NAT10: variants seen among roughly 807,000 people sequenced by gnomAD.
The protein encoded by NAT10 is N-acetyltransferase 10.
In NAT10, 109 loss-of-function variants were observed where a neutral mutation model predicts 132.2. That is an observed-to-expected ratio of 0.82 (90% CI 0.71 to 0.97). The LOEUF (loss-of-function observed/expected upper bound fraction) is 0.97. NAT10 is among the 50% of genes least tolerant of loss of function. The pLI is 0.00. For missense variants in NAT10, 1,184 were observed against 1,263.4 expected (o/e 0.94, Z 0.95); for synonymous variants, 479 against 478.0 (o/e 1.00, Z -0.03).
At chr11:34,137,803 G>A (rs758179789) in intron 21 of NAT10, among the ~76,000 whole-genome samples, 2 of 152,232 alleles carry the variant, frequency 1.3e-5, no homozygotes, top group African/African-American at 2.4e-5. Flanking sequence ...GCCCTGATGC[G>A]CAAGAGAAAG....
intron 28 of NAT10, 39 bp from the exon 29 acceptor site, chr11:34,146,045 G>A: frequency 2.1e-6 from 3 of 1,405,172 alleles, no homozygotes; most frequent in South Asian, 2.5e-5. Context: ...GTTCAGATCT[G>A]TACATATTTC....
In NAT10 at chr11:34,124,755, A is replaced by G. The variant is rs191480337; in HGVS notation, c.1107+355A>G. ...GAAATGTTGCATCTGTAACTAGAAC[A>G]ATAACCTTACAGCTTAAATGAAAAA... On this transcript the variant is annotated intron_variant, in intron 11 of 28. Transcript: ENST00000257829. 6.9e-4 allele frequency among the ~76,000 whole-genome samples: 105 copies of G among 152,366 alleles called. 1 individual carries two copies. Among genetic ancestry groups the G allele is most frequent in the Admixed American group, 1.1e-3 (17 of 15,302 alleles).
At chr11:34,134,113 G>C (rs1243162132) in intron 16 of NAT10, among the ~76,000 whole-genome samples, 1 of 152,104 alleles carries the variant, frequency 6.6e-6, no homozygotes, top group Non-Finnish European at 1.5e-5. Context: ...GCAGTGAGCC[G>C]AGATAGCACC....
chr11:34,144,940 G>C (rs1437033751), intron 28 of NAT10, among the ~76,000 whole-genome samples: 1 of 152,244 alleles, frequency 6.6e-6, no homozygotes. Flanking sequence ...CTGTCTTCCA[G>C]AGTCTCCGTT....
intron 4 of NAT10, among the ~76,000 whole-genome samples, chr11:34,113,326 C>T (rs933158894): frequency 2.6e-5 from 4 of 152,108 alleles, no homozygotes; most frequent in East Asian, 1.9e-4. Flanking sequence ...AAACTAACAA[C>T]GTCTCTAATA....
intron 18 of NAT10, 141 bp from the exon 19 acceptor site, chr11:34,135,034 C>A (rs1852183264): frequency 1.4e-6 from 1 of 692,286 alleles, no homozygotes. Context: ...TGACCTCACT[C>A]AGGGTTTTCA....
chr11:34,134,721 A>C, intron 18 of NAT10, 135 bp downstream of exon 18: 1 of 481,038 alleles, frequency 2.1e-6, no homozygotes. Context: ...TGGAGAATTG[A>C]GCCAGGGTTC....
At chr11:34,108,688 C>A in intron 2 of NAT10, 54 bp from the exon 3 acceptor site, 1 of 1,501,280 alleles carries the variant, frequency 6.7e-7, no homozygotes, top group Non-Finnish European at 9.1e-7. Context: ...TTAAGCCTGG[C>A]GGTCTCTAAA....
chr11:34,133,112 T>C lies in NAT10; in HGVS notation c.1704T>C (p.Asn568=), dbSNP rs773764364. ...TGCCTCCCGTGCCCCCCACCCAGAA[T>C]GCCCTTCCAGAAGTGCTTGCTGTTA... ...CLLPPVPPTQ[N]ALPEVLAVIQ... Residue 568 remains asparagine, a synonymous_variant, in exon 16 of 29, where the codon AAT becomes AAC. Transcript: ENST00000257829. 4 of 1,614,032 alleles carry C rather than the reference T, an allele frequency of 2.5e-6. No individual in the cohort carries two copies. The highest frequency in any genetic ancestry group is 2.2e-5 in the East Asian group (1 of 44,894).
rs117221426 is a variant in NAT10 at position 34,125,215 on chromosome 11, A to G, written c.1107+815A>G. Among the ~76,000 whole-genome samples, 67 of 152,304 alleles carry G rather than the reference A, an allele frequency of 4.4e-4. No individual in the cohort carries two copies. The East Asian group carries it at 9.3e-3, about 21-fold the overall frequency. On this transcript the variant is annotated intron_variant, in intron 11 of 28. Coordinates refer to ENST00000257829, the MANE Select transcript of NAT10 (RefSeq NM_024662.3). ...TCTTTCTAGAATCTCTTCATTCTGTACATTTCTGCTCACTTTTGCTCGATT... is the reference window on the plus strand; with the variant it reads ...TCTTTCTAGAATCTCTTCATTCTGTGCATTTCTGCTCACTTTTGCTCGATT...
chr11:34,115,559 C>T (rs908330087), intron 5 of NAT10, among the ~76,000 whole-genome samples: 1 of 152,252 alleles, frequency 6.6e-6, no homozygotes, highest in African/African-American at 2.4e-5. Flanking sequence ...ATCTGGCACA[C>T]AGCATGCCAA....
chr11:34,143,647 G>A (rs1852382312), intron 28 of NAT10, 119 bp downstream of exon 28: 3 of 929,904 alleles, frequency 3.2e-6, no homozygotes, highest in Admixed American at 2.7e-5. Flanking sequence ...AAAAGTCATG[G>A]TTCTTCCCTT....
Position 34,115,900 on chromosome 11 carries a change from C to T in NAT10, c.557+16C>T, listed in dbSNP as rs1300556811. ...TTAATGAAAGGTAATTCTATAGTTCCCCCCAATTGTGGGGCAGCCACATTG... is the reference window on the plus strand; with the variant it reads ...TTAATGAAAGGTAATTCTATAGTTCTCCCCAATTGTGGGGCAGCCACATTG... On this transcript the variant is annotated intron_variant, in intron 6 of 28. Coordinates refer to ENST00000257829, the MANE Select transcript of NAT10 (RefSeq NM_024662.3). 6.2e-7 allele frequency: 1 copy of T among 1,613,374 alleles called. No individual in the cohort carries two copies. The highest frequency in any genetic ancestry group is 8.5e-7 in the Non-Finnish European group (1 of 1,179,572).
chr11:34,111,531 C>T (rs1356331028), intron 3 of NAT10, among the ~76,000 whole-genome samples: 1 of 152,198 alleles, frequency 6.6e-6, no homozygotes, highest in Non-Finnish European at 1.5e-5. Context: ...AGATTCCATT[C>T]TGATCCCTGT....
At position 34,140,573 on chromosome 11, in the gene NAT10, G is replaced by C. The variant is rs753491398; in HGVS notation, c.2592+1G>C. 35 of 1,612,892 alleles carry C rather than the reference G, an allele frequency of 2.2e-5. No homozygotes were observed. In the South Asian group the frequency reaches 3.6e-4, roughly 17 times the overall value. Reference sequence around the variant, plus strand: ...CCTGGCCCTGTCTGCGGCTCAGTCGGTATGCTATCTGTTGCTTGCGTGGAG... The same window carrying C: ...CCTGGCCCTGTCTGCGGCTCAGTCGCTATGCTATCTGTTGCTTGCGTGGAG... On this transcript the variant is annotated splice_donor_variant, in intron 24 of 28. Coordinates refer to ENST00000257829, the MANE Select transcript of NAT10 (RefSeq NM_024662.3). LOFTEE classifies it high-confidence loss of function.
At chr11:34,136,925 A>T in intron 20 of NAT10, 53 bp from the exon 21 acceptor site, 1 of 1,612,420 alleles carries the variant, frequency 6.2e-7, no homozygotes, top group East Asian at 2.2e-5. Flanking sequence ...TGTGTCTATC[A>T]GCCACTCCCC....
Position 34,141,190 on chromosome 11 carries a change from C to G in NAT10, c.2694C>G (p.Ile898Met), listed in dbSNP as rs1852321666. 1 of 1,614,044 alleles carries G rather than the reference C, an allele frequency of 6.2e-7. No individual in the cohort carries two copies. The highest frequency in any genetic ancestry group is 1.1e-5 in the South Asian group (1 of 91,058). The change falls in exon 25 of 29, where the codon ATC (isoleucine) becomes ATG (methionine). Residue 898 changes from isoleucine (I) to methionine (M), a missense_variant. Physicochemically the swap from Ile to Met is conservative, Grantham distance 10 (BLOSUM62 1). Coordinates refer to ENST00000257829, the MANE Select transcript of NAT10 (RefSeq NM_024662.3). ...AGTTGATGGGACTTTTCAACCGGAT[C>G]ATCCGCAAAGTTGTGAAGGTAACCT... ...SGQLMGLFNRIIRKVVKLFNE... is the reference protein window; with the variant it reads ...SGQLMGLFNRMIRKVVKLFNE...
intron 3 of NAT10, 75 bp downstream of exon 3, chr11:34,108,908 T>C: frequency 7.4e-7 from 1 of 1,352,950 alleles, no homozygotes; most frequent in Non-Finnish European, 1.0e-6. Context: ...AAATGATTCC[T>C]TCACATATTT....
chr11:34,134,847 A>C (rs777980966), intron 18 of NAT10, among the ~76,000 whole-genome samples: 4 of 152,194 alleles, frequency 2.6e-5, no homozygotes, highest in Non-Finnish European at 5.9e-5. Flanking sequence ...TCACTGAGTA[A>C]TTGGCTGTAG....
Sources: allele counts gnomAD v4.1 joint callset (sites outside exome capture counted in the v4.1 genomes callset), GRCh38; gene constraint gnomAD v4.1.1; transcripts MANE v1.5; gene names NCBI Gene and HGNC (gene_info 2026-07-23, HGNC 2026-07-21).